PUM2: variants seen among roughly 807,000 people sequenced by gnomAD.
PUM2 encodes the protein pumilio homolog 2.
In PUM2, 57 loss-of-function variants were observed where a neutral mutation model predicts 124.5. The ratio of observed to expected loss-of-function variants is 0.46; its 90% confidence interval spans 0.37 to 0.57. The LOEUF (loss-of-function observed/expected upper bound fraction) is 0.57, where lower values mean the gene tolerates loss of function less well. Ranked by LOEUF, PUM2 falls within the 20% of genes least tolerant of loss-of-function variation. The pLI is 0.00. For missense variants in PUM2, 1,065 were observed against 1,290.6 expected (o/e 0.83, Z 2.68); for synonymous variants, 460 against 446.1 (o/e 1.03, Z -0.39).
chr2:20,255,493 C>T (rs912694526), intron 17 of PUM2, 152 bp from the exon 18 acceptor site: 9 of 733,880 alleles, frequency 1.2e-5, no homozygotes, highest in Non-Finnish European at 1.9e-5. Flanking sequence ...TGACTACCAC[C>T]ATGTTAGAAA....
chr2:20,344,513 G>A (rs1218114373), intron 1 of PUM2, among the ~76,000 whole-genome samples: 1 of 152,038 alleles, frequency 6.6e-6, no homozygotes, highest in Non-Finnish European at 1.5e-5. Context: ...TTAGATAAAG[G>A]ACTTCAATCT....
chr2:20,257,419 CTT>C (rs1308226339), intron 16 of PUM2, among the ~76,000 whole-genome samples: 1 of 152,152 alleles, frequency 6.6e-6, no homozygotes, highest in African/African-American at 2.4e-5. Flanking sequence ...TCTTTCCAAA[CTT>C]AAACTACCAT....
chr2:20,328,161 C>A (rs2148873376), intron 1 of PUM2, among the ~76,000 whole-genome samples: 1 of 152,238 alleles, frequency 6.6e-6, no homozygotes, highest in East Asian at 1.9e-4. Context: ...TGGTGAAACC[C>A]CGTCTCTACC....
intron 7 of PUM2, among the ~76,000 whole-genome samples, chr2:20,307,589 G>A (rs889319711): frequency 6.6e-6 from 1 of 152,080 alleles, no homozygotes; most frequent in Non-Finnish European, 1.5e-5. Context: ...TACCAAGCTT[G>A]AATTCTAGCA....
chr2:20,262,961 A>ATTC (rs1666660487), intron 14 of PUM2, among the ~76,000 whole-genome samples: 1 of 152,220 alleles, frequency 6.6e-6, no homozygotes, highest in African/African-American at 2.4e-5. Flanking sequence ...GCCCTGCTAT[A>ATTC]TTCTCATCAT....
rs201710758 is a variant in PUM2 at position 20,294,490 on chromosome 2, G to A, written c.1038C>T (p.Tyr346=). Residue 346 remains tyrosine, a synonymous_variant, in exon 9 of 21, where the codon TAC becomes TAT. Transcript: ENST00000361078. The part of the protein sequence containing the change: ...AGPAVVPPQY[Y]GVPWGVYPAN... ...CTGGATACACCCCCCATGGAACGCC[G>A]TAATACTGAGGTGGAACCACTGCTG... 5.4e-5 allele frequency: 87 copies of A among 1,613,974 alleles called. No homozygotes were observed. In the Admixed American group the frequency reaches 1.1e-3, roughly 21 times the overall value.
In PUM2 at chr2:20,334,155, T is replaced by A. The variant is rs190699760; in HGVS notation, c.-18-6777A>T. Among the ~76,000 whole-genome samples, 624 of 152,096 alleles carry A rather than the reference T, an allele frequency of 4.1e-3. 8 individuals carry two copies. The highest frequency in any genetic ancestry group is 0.014 in the African/African-American group (579 of 41,484). ...CTGTTTCTACAAAAAAAATTTTTTT[T>A]TAAAAAATTAGCCAGGCATGGTGAC... is the stretch of plus-strand genomic sequence containing the variant. On this transcript the variant is annotated intron_variant, in intron 1 of 20. Coordinates refer to ENST00000361078, the MANE Select transcript of PUM2 (RefSeq NM_015317.5).
chr2:20,336,798 GT>G (rs1686217105), intron 1 of PUM2, among the ~76,000 whole-genome samples: 8 of 129,668 alleles, frequency 6.2e-5, no homozygotes, highest in Admixed American at 5.0e-4. Flanking sequence ...GTGTGTGTGT[GT>G]GTGGTACAGA....
At chr2:20,273,924 G>A (rs1283690024) in intron 13 of PUM2, among the ~76,000 whole-genome samples, 2 of 152,080 alleles carry the variant, frequency 1.3e-5, no homozygotes, top group African/African-American at 2.4e-5. Flanking sequence ...CCAAAGAAAA[G>A]CATAACTTAT....
intron 16 of PUM2, among the ~76,000 whole-genome samples, chr2:20,257,683 A>G (rs1665143799): frequency 6.6e-6 from 1 of 152,188 alleles, no homozygotes; most frequent in Non-Finnish European, 1.5e-5. Flanking sequence ...CATTATTTTG[A>G]TCAACAATTC....
intron 20 of PUM2, among the ~76,000 whole-genome samples, chr2:20,253,076 G>A (rs1663856115): frequency 6.6e-6 from 1 of 152,160 alleles, no homozygotes; most frequent in African/African-American, 2.4e-5. Context: ...AGGAGTGGGT[G>A]GGTCCTGCAA....
At position 20,277,827 on chromosome 2, in the gene PUM2, T is replaced by A. The variant is rs188493221; in HGVS notation, c.1957+756A>T. On this transcript the variant is annotated intron_variant, in intron 13 of 20. Transcript: ENST00000361078. Reference sequence around the variant, plus strand: ...ATTATAAAAATTCAAAATAAAGTTTTAAAAAAATAATTTCTTTGACAAGAT... The same window carrying A: ...ATTATAAAAATTCAAAATAAAGTTTAAAAAAAATAATTTCTTTGACAAGAT... 1.6e-3 allele frequency among the ~76,000 whole-genome samples: 236 copies of A among 152,208 alleles called. 1 individual carries two copies. The highest frequency in any genetic ancestry group is 5.5e-3 in the African/African-American group (227 of 41,556).
chr2:20,297,163 T>A (rs1237988598), intron 8 of PUM2, among the ~76,000 whole-genome samples: 2 of 152,244 alleles, frequency 1.3e-5, no homozygotes, highest in Non-Finnish European at 2.9e-5. Flanking sequence ...TATCTGTTTA[T>A]CTTACTCTAT....
At chr2:20,322,789 C>A (rs1288010214) in intron 2 of PUM2, among the ~76,000 whole-genome samples, 1 of 152,096 alleles carries the variant, frequency 6.6e-6, no homozygotes, top group Non-Finnish European at 1.5e-5. Context: ...GGCCACAGAG[C>A]AAGATCCTGC....
In PUM2 at chr2:20,251,793, G is replaced by A; in HGVS notation, c.3064-77C>T. 3 of 1,514,444 alleles carry A rather than the reference G, an allele frequency of 2.0e-6. No homozygotes were observed. The South Asian group carries it at 3.7e-5, about 19-fold the overall frequency. The allele number at this position is 1,514,444 out of a possible 1,614,324, so 93.8% of individuals were successfully genotyped here. On this transcript the variant is annotated intron_variant, in intron 20 of 20. Transcript: ENST00000361078. ...TTCTTAAAAAAGCACCCCCAATTCTGGGTAATTTAGAGGAATAACTGCAAT... is the reference window on the plus strand; with the variant it reads ...TTCTTAAAAAAGCACCCCCAATTCTAGGTAATTTAGAGGAATAACTGCAAT...
At position 20,321,987 on chromosome 2, in the gene PUM2, A is replaced by AT. The variant is rs200813160; in HGVS notation, c.52-3343_52-3342insA. Among the ~76,000 whole-genome samples, 1,118 of 152,240 alleles carry AT rather than the reference A, an allele frequency of 7.3e-3. 21 individuals carry two copies. The highest frequency in any genetic ancestry group is 0.026 in the African/African-American group (1,078 of 41,528). On this transcript the variant is annotated intron_variant, in intron 2 of 20. Coordinates refer to ENST00000361078, the MANE Select transcript of PUM2 (RefSeq NM_015317.5). ...CACCCAGGCATGCTGCATCAAAAAA[A>AT]AAAATAAAATAAACTCCCACTCAGG... is the stretch of plus-strand genomic sequence containing the variant.
chr2:20,284,742 T>A (rs1363312537), intron 10 of PUM2, among the ~76,000 whole-genome samples: 1 of 152,236 alleles, frequency 6.6e-6, no homozygotes, highest in East Asian at 1.9e-4. Context: ...AAATTAGTGA[T>A]AATGCAGCAT....
Position 20,250,056 on chromosome 2 carries a change from C to G in PUM2, c.*1529G>C, listed in dbSNP as rs1198786206. The G allele has an allele frequency of 6.6e-6, 1 of 152,494 alleles. No homozygotes were observed. Among genetic ancestry groups the G allele is most frequent in the Non-Finnish European group, 1.5e-5 (1 of 68,008 alleles). The allele number at this position is 152,494 out of a possible 1,614,324, so 9.4% of individuals were successfully genotyped here. On this transcript the variant is annotated 3_prime_UTR_variant, in exon 21 of 21. Transcript: ENST00000361078. Reference sequence around the variant, plus strand: ...GGCTATTCAAAAATACAGTACTCTTCTGTACAAAGAAAAAAGTCACATCAC... The same window carrying G: ...GGCTATTCAAAAATACAGTACTCTTGTGTACAAAGAAAAAAGTCACATCAC...
rs1184512496 is a variant in PUM2, at chr2:20,250,668, C to CT, written c.*916dup. ...ACTTTTCAGTGGCCCCTTTTCATCTCTATCTGGTTCCTACTTTCTGCCTCT... is the reference window on the plus strand; with the variant it reads ...ACTTTTCAGTGGCCCCTTTTCATCTCTTATCTGGTTCCTACTTTCTGCCTCT... On this transcript the variant is annotated 3_prime_UTR_variant, in exon 21 of 21. Transcript: ENST00000361078. The CT allele has an allele frequency of 1.3e-5, 2 of 152,172 alleles. No homozygotes were observed. Among genetic ancestry groups the CT allele is most frequent in the African/African-American group, 4.8e-5 (2 of 41,450 alleles). 9.4% of individuals were successfully genotyped at this position (152,172 alleles called of 1,614,324 possible). A position where few individuals can be genotyped will look rare whatever the true frequency, so the allele number is the denominator to read the frequency against.
Sources: allele counts gnomAD v4.1 joint callset (sites outside exome capture counted in the v4.1 genomes callset), GRCh38; gene constraint gnomAD v4.1.1; transcripts MANE v1.5; gene names NCBI Gene and HGNC (gene_info 2026-07-23, HGNC 2026-07-21).